The following MPP7 variants were observed in gnomAD, a reference collection of about 807,000 sequenced individuals.
MPP7 encodes MAGUK p55 scaffold protein 7, also known as MAGUK p55 subfamily member 7.
MPP7 carries 60 observed loss-of-function variants against 76.5 expected under a neutral mutation model. The ratio of observed to expected loss-of-function variants is 0.78; its 90% CI spans 0.64 to 0.97. The LOEUF (loss-of-function observed/expected upper bound fraction) is 0.97, where lower values mean the gene tolerates loss of function less well. Among genes scored for constraint, MPP7 ranks in the 50% least tolerant of loss-of-function variants. The pLI, the probability that MPP7 is intolerant of heterozygous loss-of-function variation, is 0.00. For missense variants in MPP7, 641 were observed against 694.0 expected (o/e 0.92, Z 0.86); for synonymous variants, 237 against 244.5 (o/e 0.97, Z 0.29).
At chr10:28,085,098 A>C (rs950272401) in intron 12 of MPP7, among the ~76,000 whole-genome samples, 1 of 152,230 alleles carries the variant, frequency 6.6e-6, no homozygotes, top group Non-Finnish European at 1.5e-5. Context: ...TTTTTTAAAA[A>C]GTAAGATATT....
chr10:28,088,851 T>C (rs986969449), intron 12 of MPP7, among the ~76,000 whole-genome samples: 1 of 152,196 alleles, frequency 6.6e-6, no homozygotes, highest in African/African-American at 2.4e-5. Context: ...AATCGATGTT[T>C]GTGAAAATAC....
intron 3 of MPP7, among the ~76,000 whole-genome samples, chr10:28,158,508 A>T (rs1190564761): frequency 6.6e-6 from 1 of 152,208 alleles, no homozygotes; most frequent in East Asian, 1.9e-4. Context: ...GAACAGGGGT[A>T]CAGAGAAGAC....
intron 12 of MPP7, among the ~76,000 whole-genome samples, chr10:28,070,373 T>C (rs1852187766): frequency 6.6e-6 from 1 of 152,132 alleles, no homozygotes; most frequent in Non-Finnish European, 1.5e-5. Flanking sequence ...CACTCCAGCC[T>C]GGGTGACAGA....
intron 2 of MPP7, among the ~76,000 whole-genome samples, chr10:28,215,448 C>G (rs1838278828): frequency 6.6e-6 from 1 of 152,092 alleles, no homozygotes; most frequent in Admixed American, 6.6e-5. Flanking sequence ...AAGCCCTATA[C>G]AAGAGGAGGT....
intron 5 of MPP7, among the ~76,000 whole-genome samples, chr10:28,137,499 T>C (rs1043467859): frequency 6.6e-6 from 1 of 152,244 alleles, no homozygotes; most frequent in African/African-American, 2.4e-5. Flanking sequence ...GAAGCAATTA[T>C]GATAATTGAC....
intron 1 of MPP7, among the ~76,000 whole-genome samples, chr10:28,240,038 T>A (rs1839213452): frequency 6.6e-6 from 1 of 152,118 alleles, no homozygotes; most frequent in Admixed American, 6.5e-5. Flanking sequence ...GCCTAACACC[T>A]AGAGGGAGGC....
intron 4 of MPP7, 92 bp from the exon 5 acceptor site, chr10:28,147,655 C>CT: frequency 9.4e-7 from 1 of 1,062,572 alleles, no homozygotes; most frequent in Non-Finnish European, 1.5e-6. Flanking sequence ...TTGCTCAAGG[C>CT]TATTACTTTC....
intron 2 of MPP7, among the ~76,000 whole-genome samples, chr10:28,222,790 T>G (rs1302280352): frequency 6.8e-6 from 1 of 147,620 alleles, no homozygotes; most frequent in Non-Finnish European, 1.5e-5. Flanking sequence ...AGGCAGAGCT[T>G]GCAGTGAGCC....
chr10:28,290,665 G>A (rs1277602610), intron 1 of MPP7, among the ~76,000 whole-genome samples: 1 of 152,082 alleles, frequency 6.6e-6, no homozygotes, highest in Admixed American at 6.5e-5. Context: ...TACAGATGGG[G>A]TTTCATCACA....
At chr10:28,073,586 A>C (rs1161655331) in intron 12 of MPP7, among the ~76,000 whole-genome samples, 4 of 152,066 alleles carry the variant, frequency 2.6e-5, no homozygotes, top group Non-Finnish European at 5.9e-5. Context: ...CCTGGCCAAC[A>C]TGTCAAAACC....
At chr10:28,262,275 A>ATTTTTTTTTTTTTC (rs1331900519) in intron 1 of MPP7, among the ~76,000 whole-genome samples, 1 of 24,670 alleles carries the variant, frequency 4.1e-5, no homozygotes, top group African/African-American at 1.4e-4. Flanking sequence ...ATATATATAT[A>ATTTTTTTTTTTTTC]TATTTTTTTT....
At chr10:28,077,252 G>A (rs960559226) in intron 12 of MPP7, among the ~76,000 whole-genome samples, 2 of 152,092 alleles carry the variant, frequency 1.3e-5, no homozygotes, top group Non-Finnish European at 2.9e-5. Context: ...GCAAGCTCAC[G>A]ACACCCATGT....
At chr10:28,218,585 AAT>A (rs1838391486) in intron 2 of MPP7, among the ~76,000 whole-genome samples, 1 of 152,162 alleles carries the variant, frequency 6.6e-6, no homozygotes, top group African/African-American at 2.4e-5. Context: ...TATAAGACCT[AAT>A]AGGAGGCTTT....
At chr10:28,216,948 C>A (rs1300677697) in intron 2 of MPP7, among the ~76,000 whole-genome samples, 1 of 151,834 alleles carries the variant, frequency 6.6e-6, no homozygotes, top group Non-Finnish European at 1.5e-5. Context: ...CAATATAATT[C>A]ATCTAGAAGT....
chr10:28,239,953 G>GTT (rs895467756), intron 1 of MPP7, among the ~76,000 whole-genome samples: 1 of 151,240 alleles, frequency 6.6e-6, no homozygotes, highest in Non-Finnish European at 1.5e-5. Flanking sequence ...GGTTGTTAGG[G>GTT]TTTTTTTTTA....
chr10:28,111,128 G>A (rs1435964759), intron 11 of MPP7, among the ~76,000 whole-genome samples: 2 of 151,794 alleles, frequency 1.3e-5, no homozygotes, highest in Non-Finnish European at 2.9e-5. Flanking sequence ...CCTCTGAGAA[G>A]CACAAAGAAA....
At chr10:28,090,725 A>T (rs765698587) in intron 11 of MPP7, among the ~76,000 whole-genome samples, 1 of 152,234 alleles carries the variant, frequency 6.6e-6, no homozygotes, top group Admixed American at 6.5e-5. Flanking sequence ...CCCAGTCAAC[A>T]ATTAGTTGAT....
At chr10:28,057,605 CTTTTTTTTTTTTTTTT>C (rs59550501) in intron 15 of MPP7, 70 of 122,594 alleles carry the variant, frequency 5.7e-4, no homozygotes, top group African/African-American at 3.9e-3. Context: ...AATTAAACCT[CTTTTTTTTTTTTTTTT>C]TTTTTTTTTT....
intron 1 of MPP7, among the ~76,000 whole-genome samples, chr10:28,295,750 C>T (rs1052741579): frequency 1.3e-5 from 2 of 152,382 alleles, no homozygotes; most frequent in Admixed American, 6.5e-5. Context: ...ACACACCTGC[C>T]GTGTACGGCA....
Sources: allele counts gnomAD v4.1 joint callset (sites outside exome capture counted in the v4.1 genomes callset), GRCh38; gene constraint gnomAD v4.1.1; transcripts MANE v1.5; gene names NCBI Gene and HGNC (gene_info 2026-07-23, HGNC 2026-07-21).